Variants in TMEM131L observed in about 807,000 individuals in gnomAD.
TMEM131L encodes transmembrane protein 131-like.
TMEM131L carries 54 observed loss-of-function variants against 192.2 expected under a neutral mutation model. The ratio of observed to expected loss-of-function variants is 0.28; its 90% CI spans 0.23 to 0.35. The LOEUF is 0.35. Ranked by LOEUF, TMEM131L falls within the 10% of genes least tolerant of loss-of-function variation. TMEM131L has a pLI of 1.00. For synonymous variants in TMEM131L, 701 were observed against 704.9 expected, an observed-to-expected ratio of 0.99 and a Z score of 0.09; for missense variants, 1,888 against 1,972.9, an observed-to-expected ratio of 0.96 and a Z score of 0.82.
intron 3 of TMEM131L, among the ~76,000 whole-genome samples, chr4:153,474,595 CA>C (rs1321811296): frequency 1.3e-5 from 2 of 152,042 alleles, no homozygotes; most frequent in Non-Finnish European, 2.9e-5. Flanking sequence ...GAATTTTAAC[CA>C]GGGGACTGGA....
intron 3 of TMEM131L, among the ~76,000 whole-genome samples, chr4:153,537,790 C>T (rs1183751874): frequency 6.6e-6 from 1 of 152,198 alleles, no homozygotes; most frequent in Non-Finnish European, 1.5e-5. Context: ...CCTCGTTTTA[C>T]CCAGCTCCTA....
intron 3 of TMEM131L, among the ~76,000 whole-genome samples, chr4:153,485,473 C>T (rs1034067674): frequency 6.6e-6 from 1 of 152,180 alleles, no homozygotes. Context: ...GAAGGTGGAT[C>T]CCAGAGAATA....
chr4:153,556,778 T>C (rs926923714), intron 5 of TMEM131L, among the ~76,000 whole-genome samples, 188 bp from the exon 6 acceptor site: 1 of 152,230 alleles, frequency 6.6e-6, no homozygotes, highest in Non-Finnish European at 1.5e-5. Flanking sequence ...AGTGGTAATA[T>C]TTGCTATATC....
chr4:153,516,543 C>A (rs1168611208), intron 3 of TMEM131L, among the ~76,000 whole-genome samples: 1 of 151,948 alleles, frequency 6.6e-6, no homozygotes, highest in Non-Finnish European at 1.5e-5. Context: ...AAATCGAATT[C>A]TTTATACGTG....
chr4:153,476,029 G>A (rs1429491684), intron 3 of TMEM131L, among the ~76,000 whole-genome samples: 1 of 152,040 alleles, frequency 6.6e-6, no homozygotes, highest in Non-Finnish European at 1.5e-5. Flanking sequence ...TGTGATCTCG[G>A]CCTACTGCAA....
Position 153,623,086 on chromosome 4 carries a change from G to T in TMEM131L, c.4045+3G>T. On this transcript the variant is annotated splice_donor_region_variant and intron_variant, in intron 29 of 34. Coordinates refer to ENST00000409959, the MANE Select transcript of TMEM131L (RefSeq NM_001131007.2). ...CGCCCAGCACTTCCTGCCGGCCGGT[G>T]AGTCCTGAGCAGAGCCCCAGGCACT... 1 of 1,593,706 alleles carries T rather than the reference G, an allele frequency of 6.3e-7. No individual in the cohort carries two copies. Among genetic ancestry groups the T allele is most frequent in the Non-Finnish European group, 8.5e-7 (1 of 1,170,912 alleles).
In TMEM131L at chr4:153,525,409, G is replaced by A. The variant is rs569281790; in HGVS notation, c.240-24664G>A. On this transcript the variant is annotated intron_variant, in intron 3 of 34. Transcript: ENST00000409959. The stretch of plus-strand genomic sequence containing the variant: ...GGCTGGAGTGCAGTGGCGCTATCTC[G>A]GCTCACTGCAACCTCTGCCTCCAAG... 3.7e-4 allele frequency among the ~76,000 whole-genome samples: 56 copies of A among 151,898 alleles called. No individual in the cohort carries two copies. The South Asian group carries it at 0.011, about 30-fold the overall frequency.
At chr4:153,576,154 G>T (rs569400208) in intron 7 of TMEM131L, among the ~76,000 whole-genome samples, 1 of 152,160 alleles carries the variant, frequency 6.6e-6, no homozygotes, top group Admixed American at 6.5e-5. Flanking sequence ...TAGAGACAGG[G>T]TTTCACCATG....
chr4:153,634,139 A>G, intron 32 of TMEM131L, 53 bp from the exon 33 acceptor site: 1 of 1,439,864 alleles, frequency 6.9e-7, no homozygotes, highest in Non-Finnish European at 9.8e-7. Flanking sequence ...CATTTTCTTT[A>G]CTTGATGTCT....
At position 153,467,296 on chromosome 4, in the gene TMEM131L, G is replaced by C. The variant is rs1253942329; in HGVS notation, c.195+15G>C. Reference sequence around the variant, plus strand: ...TGCCCACTCAGGTGAGGACGACCAGGTGACAGGGCGGCTGTGGGTGTACGA... The same window carrying C: ...TGCCCACTCAGGTGAGGACGACCAGCTGACAGGGCGGCTGTGGGTGTACGA... On this transcript the variant is annotated intron_variant, in intron 2 of 34. Transcript: ENST00000409959. 3.9e-6 allele frequency: 6 copies of C among 1,550,306 alleles called. No homozygotes were observed.
At chr4:153,504,205 T>C (rs1385943061) in intron 3 of TMEM131L, among the ~76,000 whole-genome samples, 3 of 150,364 alleles carry the variant, frequency 2.0e-5, no homozygotes, top group Non-Finnish European at 4.4e-5. Flanking sequence ...CCTGACCTTG[T>C]GATCCACCGC....
At position 153,627,658 on chromosome 4, in the gene TMEM131L, C is replaced by T. The variant is rs1733943770; in HGVS notation, c.4178C>T (p.Ala1393Val). Residue 1393 changes from alanine (A) to valine (V), a missense_variant, in exon 31 of 35, where the codon GCC (alanine) becomes GTC (valine). Transcript: ENST00000409959. ...GAGCCTTCCTGTCCCAGCCTTCCTG[C>T]CGGGCCCACAGGTGTTGAAGAAGAT... The part of the protein sequence containing the change: ...YAEPSCPSLP[A>V]GPTGVEEDKG... 1 of 1,614,002 alleles carries T rather than the reference C, an allele frequency of 6.2e-7. No homozygotes were observed.
At chr4:153,512,341 A>G (rs1734412522) in intron 3 of TMEM131L, among the ~76,000 whole-genome samples, 1 of 152,222 alleles carries the variant, frequency 6.6e-6, no homozygotes, top group East Asian at 1.9e-4. Flanking sequence ...TTATGCAAAC[A>G]AAGATGTGAA....
chr4:153,499,639 A>T (rs1733448663), intron 3 of TMEM131L, among the ~76,000 whole-genome samples: 1 of 152,054 alleles, frequency 6.6e-6, no homozygotes. Context: ...GTTGGCCAGG[A>T]TGGTCTCAAT....
chr4:153,542,766 A>G (rs1156276793), intron 3 of TMEM131L, among the ~76,000 whole-genome samples: 1 of 152,176 alleles, frequency 6.6e-6, no homozygotes, highest in Non-Finnish European at 1.5e-5. Context: ...GATTCTTTTC[A>G]TGTAAGTAAG....
At chr4:153,602,928 G>A (rs533854079) in intron 23 of TMEM131L, among the ~76,000 whole-genome samples, 8 of 152,310 alleles carry the variant, frequency 5.3e-5, no homozygotes, top group African/African-American at 1.7e-4. Flanking sequence ...AGAGTCATAG[G>A]ACCTAGAAGT....
chr4:153,482,688 C>CT (rs1432768596), intron 3 of TMEM131L, among the ~76,000 whole-genome samples: 3 of 152,184 alleles, frequency 2.0e-5, no homozygotes, highest in African/African-American at 7.2e-5. Context: ...ACTTCATGGG[C>CT]TTAAGCAGTC....
intron 13 of TMEM131L, 25 bp downstream of exon 13, chr4:153,585,636 G>A (rs747221526): frequency 1.3e-6 from 2 of 1,542,790 alleles, no homozygotes; most frequent in Non-Finnish European, 1.8e-6. Flanking sequence ...TTTTCCCCAA[G>A]TTTTAGCTTA....
chr4:153,488,689 CT>C (rs908935081), intron 3 of TMEM131L, among the ~76,000 whole-genome samples: 42 of 152,308 alleles, frequency 2.8e-4, no homozygotes, highest in African/African-American at 9.6e-4. Flanking sequence ...TTTCCCAGGG[CT>C]GTCTAACGAA....
Sources: gnomAD v4.1 joint callset for allele counts (sites outside exome capture counted in the v4.1 genomes callset) on GRCh38, gnomAD v4.1.1 for gene constraint, MANE v1.5 for transcripts, NCBI Gene and HGNC (gene_info 2026-07-23, HGNC 2026-07-21) for gene names.